Variants in DNAH3 observed in about 807,000 individuals in gnomAD.
DNAH3 encodes axonemal beta dynein heavy chain 3.
DNAH3 carries 332 observed loss-of-function variants against 432.5 expected under a neutral mutation model. The ratio of observed to expected loss-of-function variants is 0.77; its 90% CI spans 0.70 to 0.84. The LOEUF (loss-of-function observed/expected upper bound fraction) is 0.84. DNAH3 is among the 40% of genes least tolerant of loss of function. DNAH3 has a pLI of 0.00. For missense variants in DNAH3, 4,861 were observed against 5,114.0 expected (o/e 0.95, Z 1.51); for synonymous variants, 1,956 against 1,900.2 (o/e 1.03, Z -0.76).
chr16:20,985,218 A>C, exon 48 of DNAH3: 1 of 1,614,146 alleles, frequency 6.2e-7, no homozygotes, highest in Middle Eastern at 1.6e-4. Context: ...CTGTGTTCAG[A>C]AGCATGTTGA....
chr16:21,156,153 G>A (rs1006141221), intron 1 of DNAH3, among the ~76,000 whole-genome samples: 1 of 149,388 alleles, frequency 6.7e-6, no homozygotes, highest in African/African-American at 2.5e-5. Context: ...GAGCTCTCTG[G>A]GAGTTATTCT....
intron 1 of DNAH3, among the ~76,000 whole-genome samples, chr16:21,155,578 CGCCACTGCACTCCA>C (rs2152838217): frequency 6.9e-6 from 1 of 144,228 alleles, no homozygotes; most frequent in Non-Finnish European, 1.5e-5. Context: ...GCCGAGATAG[CGCCACTGCACTCCA>C]GCCTGGGAGA....
chr16:20,953,538 G>A (rs761597018), intron 55 of DNAH3, among the ~76,000 whole-genome samples: 1 of 151,120 alleles, frequency 6.6e-6, no homozygotes, highest in Non-Finnish European at 1.5e-5. Flanking sequence ...GCCAGCAAAC[G>A]AAGCATGACT....
At chr16:21,080,049 C>A (rs917469743) in intron 20 of DNAH3, among the ~76,000 whole-genome samples, 1 of 152,206 alleles carries the variant, frequency 6.6e-6, no homozygotes, top group Non-Finnish European at 1.5e-5. Context: ...GTAATCCCAG[C>A]ACTTTGGGAG....
rs548781337 is a variant in DNAH3, at chr16:21,152,654, C to A, written c.118-6566G>T. Among the ~76,000 whole-genome samples the A allele has an allele frequency of 2.9e-4, 44 of 152,352 alleles. No individual in the cohort carries two copies. The South Asian group carries it at 8.9e-3, about 31-fold the overall frequency. On this transcript the variant is annotated intron_variant, in intron 1 of 61. Coordinates refer to ENST00000261383, the Ensembl canonical transcript of DNAH3. Reference sequence around the variant, plus strand: ...CGGCGCTTGCGGGCCAGCTGGAGTTCCGGGTGGGCGTGGGCTTGGCGGGCC... The same window carrying A: ...CGGCGCTTGCGGGCCAGCTGGAGTTACGGGTGGGCGTGGGCTTGGCGGGCC...
exon 48 of DNAH3, chr16:20,985,293 G>A (rs1212560016): frequency 6.2e-7 from 1 of 1,614,068 alleles, no homozygotes; most frequent in African/African-American, 1.3e-5. Context: ...TGCTCTTGGT[G>A]GCCACACCGA....
chr16:21,005,222 TTTCC>T (rs372770626), intron 41 of DNAH3, among the ~76,000 whole-genome samples: 3 of 150,624 alleles, frequency 2.0e-5, no homozygotes, highest in African/African-American at 4.9e-5. Flanking sequence ...TCCTTCTGTA[TTTCC>T]TTCCTTCCTT....
rs187141532 is a variant in DNAH3 at position 20,979,542 on chromosome 16, C to T, written c.7864G>A (p.Val2622Met). The change falls in exon 50 of 62, where the codon GTG (valine) becomes ATG (methionine). Residue 2622 changes from valine (V) to methionine (M), a missense_variant. Physicochemically the swap from Val to Met is conservative, Grantham distance 21 (BLOSUM62 1). Transcript: ENST00000261383. ...TCTTGGAAATATTTGCACATGGACA[C>T]GACCCTGCCGAGGACACCAAGGCGG... is the stretch of plus-strand genomic sequence containing the variant. The T allele has an allele frequency of 6.9e-5, 111 of 1,614,008 alleles. No individual in the cohort carries two copies. In the Admixed American group the frequency reaches 1.7e-3, roughly 25 times the overall value.
At chr16:20,948,552 T>C (rs1193140129) in exon 57 of DNAH3, 6 of 1,613,946 alleles carry the variant, frequency 3.7e-6, no homozygotes, top group Non-Finnish European at 4.2e-6. Context: ...CCTCCTCAAT[T>C]TCCTTACAGT....
chr16:21,050,342 T>C (rs1389521343), intron 29 of DNAH3, among the ~76,000 whole-genome samples: 2 of 152,212 alleles, frequency 1.3e-5, no homozygotes, highest in African/African-American at 4.8e-5. Context: ...CCTATATAAA[T>C]GAATCAAATA....
intron 1 of DNAH3, among the ~76,000 whole-genome samples, chr16:21,152,700 T>A (rs990946429): frequency 6.6e-6 from 1 of 152,226 alleles, no homozygotes; most frequent in Non-Finnish European, 1.5e-5. Context: ...AGCAGCCAGC[T>A]GGCCCTGCCG....
At chr16:21,072,907 C>T (rs1430785272) in intron 21 of DNAH3, among the ~76,000 whole-genome samples, 2 of 151,762 alleles carry the variant, frequency 1.3e-5, no homozygotes, top group Admixed American at 6.6e-5. Flanking sequence ...TGTTCTCGAA[C>T]TCCTGAGCTC....
chr16:21,145,838 C>T, intron 2 of DNAH3, 146 bp downstream of exon 3: 1 of 616,126 alleles, frequency 1.6e-6, no homozygotes, highest in Non-Finnish European at 2.9e-6. Flanking sequence ...CTTCTGGGGG[C>T]AAAAGCGACC....
At chr16:21,022,462 T>G (rs1314327081) in intron 39 of DNAH3, among the ~76,000 whole-genome samples, 1 of 152,180 alleles carries the variant, frequency 6.6e-6, no homozygotes, top group African/African-American at 2.4e-5. Flanking sequence ...TTCTAAACAA[T>G]TAATTTACAA....
chr16:21,019,854 A>G, exon 41 of DNAH3: 1 of 1,614,030 alleles, frequency 6.2e-7, no homozygotes, highest in Non-Finnish European at 8.5e-7. Flanking sequence ...CTCCTCTTCT[A>G]CTGCCCTGAT....
chr16:20,998,162 A>G (rs1401229369), intron 43 of DNAH3, among the ~76,000 whole-genome samples: 2 of 152,224 alleles, frequency 1.3e-5, no homozygotes, highest in Non-Finnish European at 2.9e-5. Context: ...CCCAGCAAAT[A>G]GAGTATTTAA....
At chr16:21,037,445 T>A (rs905363778) in intron 34 of DNAH3, among the ~76,000 whole-genome samples, 3 of 152,224 alleles carry the variant, frequency 2.0e-5, no homozygotes, top group Non-Finnish European at 4.4e-5. Flanking sequence ...ACTTCTGTCC[T>A]TATGAAGCTC....
exon 53 of DNAH3, chr16:20,964,622 C>T: frequency 1.2e-6 from 2 of 1,614,198 alleles, no homozygotes; most frequent in African/African-American, 1.3e-5. Context: ...CATTTATTGG[C>T]CTGCCCGTGA....
At chr16:21,148,420 T>TTTA (rs202065909) in intron 1 of DNAH3, among the ~76,000 whole-genome samples, 37 of 150,558 alleles carry the variant, frequency 2.5e-4, no homozygotes, top group South Asian at 1.5e-3. Flanking sequence ...CAGTGACTTA[T>TTTA]TTATTATTAT....
Sources: allele counts gnomAD v4.1 joint callset (sites outside exome capture counted in the v4.1 genomes callset), GRCh38; gene constraint gnomAD v4.1.1; transcripts MANE v1.5; gene names NCBI Gene and HGNC (gene_info 2026-07-23, HGNC 2026-07-21).